Variants in PLXNA1 observed in about 807,000 individuals in gnomAD.
The protein encoded by PLXNA1 is plexin-A1.
PLXNA1 carries 77 observed loss-of-function variants against 191.7 expected under a neutral mutation model. The observed-to-expected ratio is 0.40, with a 90% CI of 0.33 to 0.49. The LOEUF (loss-of-function observed/expected upper bound fraction) is 0.49. PLXNA1 is among the 20% of genes least tolerant of loss of function. PLXNA1 has a pLI of 0.63. For synonymous variants in PLXNA1, 1,137 were observed against 1,156.4 expected, an observed-to-expected ratio of 0.98 and a Z score of 0.34; for missense variants, 2,110 against 2,660.2, an observed-to-expected ratio of 0.79 and a Z score of 4.55.
chr3:127,021,965 C>A lies in PLXNA1; in HGVS notation c.4039-120C>A. 7.0e-6 allele frequency: 10 copies of A among 1,431,706 alleles called. No homozygotes were observed. In the South Asian group the frequency reaches 1.2e-4, roughly 18 times the overall value. 88.7% of individuals were successfully genotyped at this position (1,431,706 alleles called of 1,614,324 possible). A position where few individuals can be genotyped will look rare whatever the true frequency, so the allele number is the denominator to read the frequency against. ...TCAGGGCAACTTGTCACTTGCCTTC[C>A]AGGCCTGTCCTCTGATGGGGCCCTG... On this transcript the variant is annotated intron_variant, in intron 21 of 31. Transcript: ENST00000393409.
rs527858478 is a variant in PLXNA1 at position 127,029,487 on chromosome 3, C to T, written c.4821C>T (p.Ala1607=). ...CACTGGTGCCCAAGCAGACGTCCGCCTACAACATCTCCAACTCCTCCACCT... is the reference window on the plus strand; with the variant it reads ...CACTGGTGCCCAAGCAGACGTCCGCTTACAACATCTCCAACTCCTCCACCT... ...SVALVPKQTS[A]YNISNSSTFT... The change falls in exon 27 of 32, where the codon GCC becomes GCT. Residue 1607 remains alanine (A), a synonymous_variant. Transcript: ENST00000393409. 2 of 1,613,962 alleles carry T rather than the reference C, an allele frequency of 1.2e-6. No individual in the cohort carries two copies. Among genetic ancestry groups the T allele is most frequent in the Admixed American group, 3.3e-5 (2 of 60,026 alleles).
At chr3:127,014,945 T>A in intron 14 of PLXNA1, 114 bp downstream of exon 14, 1 of 1,478,458 alleles carries the variant, frequency 6.8e-7, no homozygotes, top group Non-Finnish European at 9.0e-7. Flanking sequence ...CCACTGCTTT[T>A]CCACGGCCTG....
At chr3:127,006,279 A>C in intron 8 of PLXNA1, 101 bp downstream of exon 8, 1 of 895,888 alleles carries the variant, frequency 1.1e-6, no homozygotes, top group Non-Finnish European at 1.8e-6. Flanking sequence ...ACCTGTCCTC[A>C]TGTGGCCAGG....
intron 3 of PLXNA1, among the ~76,000 whole-genome samples, chr3:126,999,965 T>C (rs2079031966): frequency 6.6e-6 from 1 of 151,674 alleles, no homozygotes; most frequent in Non-Finnish European, 1.5e-5. Context: ...CAGGGTTAGA[T>C]GGTCCAGGCA....
rs998661769 is a variant in PLXNA1 at position 127,007,816 on chromosome 3, A to G, written c.2015A>G (p.Asn672Ser). 1.2e-6 allele frequency: 2 copies of G among 1,612,476 alleles called. No individual in the cohort carries two copies. Among genetic ancestry groups the G allele is most frequent in the Non-Finnish European group, 1.7e-6 (2 of 1,179,252 alleles). Residue 672 changes from asparagine to serine, a missense_variant, in exon 9 of 32, where the codon AAC becomes AGC. Asn to Ser is a conservative substitution (Grantham distance 46). Coordinates refer to ENST00000393409, the MANE Select transcript of PLXNA1 (RefSeq NM_032242.4). ...SVHQSCLSCV[N>S]GSFPCHWCKY... Reference sequence around the variant, plus strand: ...CCCTGCAGCTGCCTGTCCTGTGTCAACGGCTCCTTTCCCTGCCACTGGTGC... The same window carrying G: ...CCCTGCAGCTGCCTGTCCTGTGTCAGCGGCTCCTTTCCCTGCCACTGGTGC...
At position 127,037,198 on chromosome 3, in the gene PLXNA1, G is replaced by C. The variant is rs2079248726; in HGVS notation, c.*3181G>C. 1 of 152,640 alleles carries C rather than the reference G, an allele frequency of 6.6e-6. No homozygotes were observed. The highest frequency in any genetic ancestry group is 1.9e-4 in the East Asian group (1 of 5,196). The allele number at this position is 152,640 out of a possible 1,614,324, so 9.5% of individuals were successfully genotyped here. On this transcript the variant is annotated 3_prime_UTR_variant, in exon 32 of 32. Coordinates refer to ENST00000393409, the MANE Select transcript of PLXNA1 (RefSeq NM_032242.4). ...TTTAACACCGCAGAACCCCCTCCCAGAAGAAGAGCGATCCCTCGGACGGTC... is the reference window on the plus strand; with the variant it reads ...TTTAACACCGCAGAACCCCCTCCCACAAGAAGAGCGATCCCTCGGACGGTC...
In PLXNA1 at chr3:126,989,439, C is replaced by T. The variant is rs146246704; in HGVS notation, c.846C>T (p.Ile282=). ...AAGEHFFTSK[I]VRLCVDDPKF... ...GCGAGCACTTCTTCACGTCCAAGAT[C>T]GTGCGGCTCTGTGTGGACGACCCCA... Residue 282 remains isoleucine (I), a synonymous_variant, in exon 2 of 32, where the codon ATC becomes ATT. Transcript: ENST00000393409. 94 of 1,613,608 alleles carry T rather than the reference C, an allele frequency of 5.8e-5. No homozygotes were observed. The highest frequency in any genetic ancestry group is 3.5e-4 in the African/African-American group (26 of 75,064).
chr3:127,032,233 A>C (rs2107639402), intron 29 of PLXNA1, among the ~76,000 whole-genome samples, 154 bp from the exon 30 acceptor site: 1 of 152,234 alleles, frequency 6.6e-6, no homozygotes. Flanking sequence ...GACGGCCTTC[A>C]CTTAACCATG....
chr3:126,989,247 C>T lies in PLXNA1; in HGVS notation c.654C>T (p.Phe218=), dbSNP rs779420628. 3.0e-5 allele frequency: 48 copies of T among 1,613,552 alleles called. No individual in the cohort carries two copies. The highest frequency in any genetic ancestry group is 3.6e-5 in the Non-Finnish European group (43 of 1,180,058). The change falls in exon 2 of 32, where the codon TTC becomes TTT. Residue 218 remains phenylalanine (F), a synonymous_variant. Coordinates refer to ENST00000393409, the MANE Select transcript of PLXNA1 (RefSeq NM_032242.4). ...AGGAGGATGCCGACATGTTCGGCTT[C>T]GTGTACCAGGATGAGTTTGTGTCAT... ...ANEEDADMFG[F]VYQDEFVSSQ...
chr3:126,994,662 G>A (rs1052912123), intron 3 of PLXNA1, among the ~76,000 whole-genome samples: 2 of 152,252 alleles, frequency 1.3e-5, no homozygotes, highest in Non-Finnish European at 2.9e-5. Flanking sequence ...CCTCTACTTG[G>A]CCTGGCCCGG....
At chr3:127,029,738 C>T in intron 27 of PLXNA1, 136 bp from the exon 28 acceptor site, 1 of 1,150,790 alleles carries the variant, frequency 8.7e-7, no homozygotes, top group Non-Finnish European at 1.2e-6. Context: ...AATTATGCCA[C>T]CTCTGTGGTG....
Position 126,989,549 on chromosome 3 carries a change from G to T in PLXNA1, c.956G>T (p.Arg319Leu). ...YRLVQDAYLS[R>L]PGRALAHQLG... is the part of the protein sequence containing the mutation. ...CTGGTGCAGGATGCCTACCTGAGCC[G>T]GCCCGGCCGTGCCCTGGCCCACCAG... Residue 319 changes from arginine (R) to leucine (L), a missense_variant, in exon 2 of 32, where the codon CGG (arginine) becomes CTG (leucine). This residue lies in a region of PLXNA1 where 903 missense variants were observed against 1,015.7 expected (regional missense o/e 0.89). Coordinates refer to ENST00000393409, the MANE Select transcript of PLXNA1 (RefSeq NM_032242.4). 1 of 1,613,208 alleles carries T rather than the reference G, an allele frequency of 6.2e-7. No homozygotes were observed. Among genetic ancestry groups the T allele is most frequent in the Non-Finnish European group, 8.5e-7 (1 of 1,180,026 alleles).
At chr3:126,996,328 C>A (rs967416129) in intron 3 of PLXNA1, among the ~76,000 whole-genome samples, 1 of 152,226 alleles carries the variant, frequency 6.6e-6, no homozygotes, top group Admixed American at 6.5e-5. Context: ...CCCCTAGAGG[C>A]CCCACTGCTC....
In PLXNA1 at chr3:127,035,439, C is replaced by A. The variant is rs1025453832; in HGVS notation, c.*1422C>A. 4 of 152,310 alleles carry A rather than the reference C, an allele frequency of 2.6e-5. No individual in the cohort carries two copies. The highest frequency in any genetic ancestry group is 4.8e-5 in the African/African-American group (2 of 41,420). 9.4% of individuals were successfully genotyped at this position (152,310 alleles called of 1,614,324 possible). A position where few individuals can be genotyped will look rare whatever the true frequency, so the allele number is the denominator to read the frequency against. ...CCTGTGCCCCCCGACCTGCGGGCCG[C>A]TGTTTTGGTTTGACATGACAAGGAA... On this transcript the variant is annotated 3_prime_UTR_variant, in exon 32 of 32. Transcript: ENST00000393409.
chr3:126,999,859 G>A (rs1052281484), intron 3 of PLXNA1, among the ~76,000 whole-genome samples: 2 of 152,170 alleles, frequency 1.3e-5, no homozygotes, highest in Non-Finnish European at 2.9e-5. Flanking sequence ...GGCCATGCCT[G>A]GCGTGGCCTG....
rs1387506278 is a variant in PLXNA1 at position 127,030,404 on chromosome 3, G to A, written c.5223G>A (p.Lys1741=). 1.9e-6 allele frequency: 3 copies of A among 1,613,902 alleles called. No individual in the cohort carries two copies. Among genetic ancestry groups the A allele is most frequent in the Non-Finnish European group, 2.5e-6 (3 of 1,179,982 alleles). ...IHDADVRHTW[K]SNCLPLRFWV... Reference sequence around the variant, plus strand: ...ATGCTGACGTGCGCCACACCTGGAAGAGCAACTGGTAATGCAGGGCAGGGG... The same window carrying A: ...ATGCTGACGTGCGCCACACCTGGAAAAGCAACTGGTAATGCAGGGCAGGGG... Residue 1741 remains lysine, a synonymous_variant, in exon 29 of 32, where the codon AAG becomes AAA. Coordinates refer to ENST00000393409, the MANE Select transcript of PLXNA1 (RefSeq NM_032242.4).
intron 31 of PLXNA1, 29 bp from the exon 32 acceptor site, chr3:127,033,893 G>T (rs1007741723): frequency 6.4e-7 from 1 of 1,558,886 alleles, no homozygotes; most frequent in African/African-American, 1.3e-5. Flanking sequence ...TGGTGGCCCG[G>T]CATGCTGACA....
At chr3:127,015,361 C>T (rs1278484376) in intron 15 of PLXNA1, 41 bp downstream of exon 15, 2 of 1,579,874 alleles carry the variant, frequency 1.3e-6, no homozygotes, top group South Asian at 1.1e-5. Flanking sequence ...GCTGCCCCTC[C>T]TCCTGTTTCA....
At chr3:126,995,411 C>T (rs2079010673) in intron 3 of PLXNA1, among the ~76,000 whole-genome samples, 1 of 152,228 alleles carries the variant, frequency 6.6e-6, no homozygotes, top group Admixed American at 6.5e-5. Flanking sequence ...GAGGGGAGAG[C>T]ACAGGCCCCG....
Sources: gnomAD v4.1 joint callset for allele counts (sites outside exome capture counted in the v4.1 genomes callset) on GRCh38, gnomAD v4.1.1 for gene constraint, gnomAD v4.1.1 regional missense constraint, MANE v1.5 for transcripts, NCBI Gene and HGNC (gene_info 2026-07-23, HGNC 2026-07-21) for gene names.